Variants in CCDC171 observed in about 807,000 individuals in gnomAD.
CCDC171 encodes the protein coiled-coil domain-containing protein 171.
Under a neutral mutation model 168.2 loss-of-function variants are expected in CCDC171, and 177 were observed. That is an observed-to-expected ratio of 1.05 (90% CI 0.93 to 1.19). CCDC171 has a LOEUF of 1.19. Ranked by LOEUF, CCDC171 falls within the 50% of genes most tolerant of loss-of-function variation. The probability of loss-of-function intolerance (pLI) is 0.00; values close to 1 mark genes in which losing one functional copy is unlikely to be tolerated. For missense variants in CCDC171, 1,991 were observed against 1,539.0 expected (o/e 1.29, Z -4.91); for synonymous variants, 687 against 540.8 (o/e 1.27, Z -3.75).
At chr9:15,581,536 C>G (rs1466291293) in intron 4 of CCDC171, among the ~76,000 whole-genome samples, 2 of 152,120 alleles carry the variant, frequency 1.3e-5, no homozygotes, top group Non-Finnish European at 2.9e-5. Flanking sequence ...AACTATACTA[C>G]AAGAATACAG....
intron 21 of CCDC171, among the ~76,000 whole-genome samples, chr9:15,803,984 T>C (rs1444932672): frequency 1.3e-5 from 2 of 152,162 alleles, no homozygotes; most frequent in African/African-American, 4.8e-5. Context: ...AATTTTATTC[T>C]TTTTGTGGCA....
intron 4 of CCDC171, among the ~76,000 whole-genome samples, chr9:15,587,090 C>T (rs201047265): frequency 2.0e-5 from 3 of 152,146 alleles, no homozygotes; most frequent in East Asian, 1.9e-4. Context: ...TGGGATTACA[C>T]GTGTGAGCCA....
At chr9:16,067,961 A>G in the CCDC171 span, among the ~76,000 whole-genome samples, 2 of 152,044 alleles carry the variant, frequency 1.3e-5, no homozygotes, top group African/African-American at 4.8e-5. Context: ...GTCCAGGGCA[A>G]TTAGGCAGGA....
chr9:15,632,952 G>T (rs937632573), intron 7 of CCDC171, among the ~76,000 whole-genome samples: 1 of 152,210 alleles, frequency 6.6e-6, no homozygotes, highest in African/African-American at 2.4e-5. Flanking sequence ...ATGGTGCTGG[G>T]AAAACTGGCT....
At chr9:16,107,451 C>G in the CCDC171 span, among the ~76,000 whole-genome samples, 3 of 152,038 alleles carry the variant, frequency 2.0e-5, no homozygotes, top group Non-Finnish European at 4.4e-5. Flanking sequence ...GATATTGCCC[C>G]CATGGAGAAT....
chr9:15,663,885 C>A (rs779716192), intron 8 of CCDC171, among the ~76,000 whole-genome samples: 2 of 152,082 alleles, frequency 1.3e-5, no homozygotes, highest in African/African-American at 4.8e-5. Flanking sequence ...GGATTACATG[C>A]GTGAGCCACC....
chr9:15,674,973 C>T (rs897932802), intron 9 of CCDC171, among the ~76,000 whole-genome samples: 3 of 151,982 alleles, frequency 2.0e-5, no homozygotes, highest in African/African-American at 7.3e-5. Context: ...TAAAGTCTCC[C>T]ATTATTATTG....
In CCDC171 at chr9:15,874,464, G is replaced by T. The variant is rs551400502; in HGVS notation, c.3469-68G>T. 6 of 1,409,610 alleles carry T rather than the reference G, an allele frequency of 4.3e-6. No individual in the cohort carries two copies. In the East Asian group the frequency reaches 7.7e-5, roughly 18 times the overall value. The allele number at this position is 1,409,610 out of a possible 1,614,324, so 87.3% of individuals were successfully genotyped here. On this transcript the variant is annotated intron_variant, in intron 23 of 25. Coordinates refer to ENST00000380701, the MANE Select transcript of CCDC171 (RefSeq NM_173550.4). ...GCAAGTCCACTCAGTGGGCTCAAGG[G>T]GACCCAGTTCATCCCAGTTAATGTG...
At chr9:15,626,602 A>G (rs200874872) in intron 7 of CCDC171, among the ~76,000 whole-genome samples, 1 of 152,316 alleles carries the variant, frequency 6.6e-6, no homozygotes, top group South Asian at 2.1e-4. Flanking sequence ...GTCTGTTTAT[A>G]TGATGGATTA....
At chr9:15,640,366 C>A (rs886097988) in intron 7 of CCDC171, among the ~76,000 whole-genome samples, 1 of 151,914 alleles carries the variant, frequency 6.6e-6, no homozygotes. Flanking sequence ...ACTGTGCTGG[C>A]CACATGGAAA....
At chr9:15,692,114 G>A (rs917166203) in intron 10 of CCDC171, among the ~76,000 whole-genome samples, 5 of 152,128 alleles carry the variant, frequency 3.3e-5, no homozygotes, top group African/African-American at 7.2e-5. Flanking sequence ...GGTGGCTCAC[G>A]CCTGTAATCT....
chr9:15,886,740 C>T (rs1819450741), intron 24 of CCDC171: 1 of 133,096 alleles, frequency 7.5e-6, no homozygotes, highest in East Asian at 2.3e-4. Context: ...AATGAATGGA[C>T]AGAGGAAATG....
chr9:16,094,080 G>A, the CCDC171 span, among the ~76,000 whole-genome samples: 1 of 152,186 alleles, frequency 6.6e-6, no homozygotes, highest in Non-Finnish European at 1.5e-5. Context: ...CATAGTAAGA[G>A]GTTGGACGAT....
the CCDC171 span, among the ~76,000 whole-genome samples, chr9:16,096,787 G>A: frequency 8.5e-5 from 13 of 152,080 alleles, no homozygotes; most frequent in Admixed American, 1.3e-4. Context: ...TAGACCCAGC[G>A]TACTGCACCA....
the CCDC171 span, among the ~76,000 whole-genome samples, chr9:16,075,855 T>TAGCAC: frequency 8.1e-4 from 123 of 151,392 alleles, no homozygotes; most frequent in African/African-American, 1.8e-3. Flanking sequence ...TAGCATAGCA[T>TAGCAC]AGCACAGCAC....
At chr9:15,627,870 C>T (rs920916508) in intron 7 of CCDC171, among the ~76,000 whole-genome samples, 27 of 152,096 alleles carry the variant, frequency 1.8e-4, no homozygotes, top group African/African-American at 6.5e-4. Flanking sequence ...TCCTGGATAT[C>T]CTTGTTAACT....
At chr9:15,994,776 T>G (rs549577885) in intron 3 of CCDC171, among the ~76,000 whole-genome samples, 2 of 152,220 alleles carry the variant, frequency 1.3e-5, no homozygotes, top group Non-Finnish European at 2.9e-5. Flanking sequence ...TGAACTATTT[T>G]GGCTATTTCA....
chr9:15,830,865 G>A lies in CCDC171; in HGVS notation c.3268-15837G>A, dbSNP rs115859225. 3.7e-3 allele frequency among the ~76,000 whole-genome samples: 570 copies of A among 152,020 alleles called. 6 individuals carry two copies. The highest frequency in any genetic ancestry group is 0.013 in the African/African-American group (550 of 41,476). ...AATTGAACATAGAGACCCTGTTGAA[G>A]AATGCCTGTAAAGTTGAATAATTCA... On this transcript the variant is annotated intron_variant, in intron 21 of 25. Transcript: ENST00000380701.
rs893239500 is a variant in CCDC171, at chr9:15,725,180, A to AT, written c.1692+212dup. ...AGAAGTACTATAACTTGCACAACTAATTTTTTTTGTTTATCATGTGTACAA... is the reference window on the plus strand; with the variant it reads ...AGAAGTACTATAACTTGCACAACTAATTTTTTTTTGTTTATCATGTGTACAA... On this transcript the variant is annotated intron_variant, in intron 14 of 25. Coordinates refer to ENST00000380701, the MANE Select transcript of CCDC171 (RefSeq NM_173550.4). 3.9e-5 allele frequency among the ~76,000 whole-genome samples: 6 copies of AT among 152,082 alleles called. No homozygotes were observed. In the East Asian group the frequency reaches 5.8e-4, roughly 15 times the overall value.
Sources: gnomAD v4.1 joint callset for allele counts (sites outside exome capture counted in the v4.1 genomes callset) on GRCh38, gnomAD v4.1.1 for gene constraint, MANE v1.5 for transcripts, NCBI Gene and HGNC (gene_info 2026-07-23, HGNC 2026-07-21) for gene names.